The following RBFOX3 variants were observed in gnomAD, a reference collection of about 807,000 sequenced individuals.
RBFOX3 encodes the protein RNA binding protein fox-1 homolog 3.
Under a neutral mutation model 48.7 loss-of-function variants are expected in RBFOX3, and 17 were observed. The ratio of observed to expected loss-of-function variants is 0.35; its 90% CI spans 0.24 to 0.52. The LOEUF (loss-of-function observed/expected upper bound fraction) is 0.52. Ranked by LOEUF, RBFOX3 falls within the 20% of genes least tolerant of loss-of-function variation. RBFOX3 has a pLI of 0.94. For synonymous variants in RBFOX3, 212 were observed against 209.5 expected (o/e 1.01, Z -0.10); for missense variants, 382 against 497.5 (o/e 0.77, Z 2.21).
At chr17:79,201,154 T>G (rs1330443018) in intron 4 of RBFOX3, among the ~76,000 whole-genome samples, 1 of 151,526 alleles carries the variant, frequency 6.6e-6, no homozygotes, top group African/African-American at 2.4e-5. Context: ...CCGATGGAGC[T>G]GTAACCAGAT....
intron 4 of RBFOX3, among the ~76,000 whole-genome samples, chr17:79,178,046 C>T (rs888402340): frequency 6.0e-4 from 91 of 152,360 alleles, no homozygotes; most frequent in African/African-American, 2.1e-3. Flanking sequence ...CCCGCCGATC[C>T]TCCACCGAGC....
intron 2 of RBFOX3, among the ~76,000 whole-genome samples, chr17:79,372,184 C>T (rs1004492087): frequency 3.9e-5 from 6 of 152,084 alleles, no homozygotes; most frequent in Middle Eastern, 3.2e-3. Flanking sequence ...CAGCCTGCCC[C>T]GGACAGCACT....
chr17:79,251,712 C>T (rs143749781), intron 3 of RBFOX3, among the ~76,000 whole-genome samples: 117 of 152,290 alleles, frequency 7.7e-4, no homozygotes, highest in Non-Finnish European at 1.5e-3. Context: ...CCAGACGAGT[C>T]GGCTGCATGG....
At chr17:79,330,717 TGG>T (rs2080148228) in intron 2 of RBFOX3, among the ~76,000 whole-genome samples, 1 of 152,104 alleles carries the variant, frequency 6.6e-6, no homozygotes, top group Non-Finnish European at 1.5e-5. Context: ...AGTCACGTGG[TGG>T]GGCTGTGCCT....
chr17:79,299,992 C>T lies in RBFOX3; in HGVS notation c.-74+7732G>A, dbSNP rs2075055850. On this transcript the variant is annotated intron_variant, in intron 3 of 14. Coordinates refer to ENST00000693108, the MANE Select transcript of RBFOX3 (RefSeq NM_001350451.2). The surrounding 1 kb of genome is among the most constrained non-coding windows in gnomAD (Gnocchi z 4.5). ...TGATCTCGGCTCACTGCAACCTCTG[C>T]CTCCCGGGTTCCAGTAATTCTCCCA... is the stretch of plus-strand genomic sequence containing the variant. Among the ~76,000 whole-genome samples the T allele has an allele frequency of 6.6e-6, 1 of 151,948 alleles. No individual in the cohort carries two copies. The highest frequency in any genetic ancestry group is 2.1e-4 in the South Asian group (1 of 4,816).
intron 8 of RBFOX3, 32 bp from the exon 9 acceptor site, chr17:79,101,676 G>T: frequency 6.5e-7 from 1 of 1,544,878 alleles, no homozygotes; most frequent in South Asian, 1.2e-5. Flanking sequence ...GAGAGGAAGA[G>T]GGAGGATTAG....
At chr17:79,152,844 C>T (rs897185728) in intron 4 of RBFOX3, among the ~76,000 whole-genome samples, 8 of 152,216 alleles carry the variant, frequency 5.3e-5, no homozygotes, top group Admixed American at 1.3e-4. Context: ...ACCAGGAACA[C>T]GGCGCCGGCC....
At chr17:79,620,688 C>T in the RBFOX3 span, among the ~76,000 whole-genome samples, 1 of 150,378 alleles carries the variant, frequency 6.6e-6, no homozygotes, top group African/African-American at 2.5e-5. Context: ...CACATGCACA[C>T]ATGTGCCCAT....
chr17:79,122,226 C>T (rs747562103), intron 4 of RBFOX3, among the ~76,000 whole-genome samples: 15 of 152,176 alleles, frequency 9.9e-5, no homozygotes, highest in Non-Finnish European at 7.3e-5. Context: ...TTGGTCGGGC[C>T]GCCATCATCT....
chr17:79,618,592 A>G, the RBFOX3 span, among the ~76,000 whole-genome samples: 4 of 152,186 alleles, frequency 2.6e-5, no homozygotes, highest in Non-Finnish European at 5.9e-5. Flanking sequence ...AGTCATGAAC[A>G]GAAAGGAGAG....
At chr17:79,247,345 C>T (rs28675187) in intron 3 of RBFOX3, among the ~76,000 whole-genome samples, 65,076 of 142,490 alleles carry the variant, frequency 0.46, 14,989 homozygotes, top group Middle Eastern at 0.6. Context: ...CAGAGTCTCA[C>T]TCTGTCACCC....
rs894094531 is a variant in RBFOX3 at position 79,254,744 on chromosome 17, C to G, written c.-73-18939G>C. ...CCGCCCTGCCTGAGTGGGTGCCTTA[C>G]CTGGACAGTATCCAGGTGGACAGGT... On this transcript the variant is annotated intron_variant, in intron 3 of 14. Transcript: ENST00000693108. The surrounding 1 kb of genome is among the most constrained non-coding windows in gnomAD (Gnocchi z 4.8). Among the ~76,000 whole-genome samples the G allele has an allele frequency of 1.3e-5, 2 of 152,186 alleles. No individual in the cohort carries two copies. The highest frequency in any genetic ancestry group is 4.8e-5 in the African/African-American group (2 of 41,436).
intron 3 of RBFOX3, among the ~76,000 whole-genome samples, chr17:79,271,355 C>T (rs1017706090): frequency 6.6e-6 from 1 of 152,166 alleles, no homozygotes; most frequent in African/African-American, 2.4e-5. Flanking sequence ...GGATTACAGG[C>T]GTGAGCCACC....
intron 1 of RBFOX3, among the ~76,000 whole-genome samples, chr17:79,582,940 C>G (rs2093125726): frequency 2.6e-5 from 4 of 152,150 alleles, no homozygotes; most frequent in African/African-American, 9.7e-5. Flanking sequence ...AGCCATGGAC[C>G]ACTGCGACCC....
chr17:79,235,071 G>T (rs933505363), intron 4 of RBFOX3: 1 of 152,106 alleles, frequency 6.6e-6, no homozygotes, highest in African/African-American at 2.4e-5. Flanking sequence ...TTCACCTTAT[G>T]ATGGGTTTAT....
At chr17:79,439,601 ATG>A (rs1197165115) in intron 2 of RBFOX3, among the ~76,000 whole-genome samples, 3 of 152,220 alleles carry the variant, frequency 2.0e-5, no homozygotes, top group African/African-American at 7.2e-5. Flanking sequence ...GGCTCACAAG[ATG>A]TGTATGTCAT....
intron 2 of RBFOX3, among the ~76,000 whole-genome samples, chr17:79,327,534 T>A (rs1381921122): frequency 6.6e-6 from 1 of 152,270 alleles, no homozygotes; most frequent in African/African-American, 2.4e-5. Flanking sequence ...AGGCTGCACC[T>A]GAGAGCAGCA....
chr17:79,442,394 AG>A (rs2071315318), intron 2 of RBFOX3, among the ~76,000 whole-genome samples: 2 of 140,574 alleles, frequency 1.4e-5, no homozygotes, highest in African/African-American at 5.4e-5. Flanking sequence ...AGAGAGAGAG[AG>A]AGAGAGAAAG....
intron 4 of RBFOX3, among the ~76,000 whole-genome samples, chr17:79,202,328 G>A (rs927394523): frequency 6.6e-6 from 1 of 152,046 alleles, no homozygotes; most frequent in Non-Finnish European, 1.5e-5. Flanking sequence ...GGGCTGTGTC[G>A]GGTACCACGC....
Sources: allele counts gnomAD v4.1 joint callset (sites outside exome capture counted in the v4.1 genomes callset), GRCh38; gene constraint gnomAD v4.1.1; non-coding constraint Gnocchi (gnomAD v3.1); transcripts MANE v1.5; gene names NCBI Gene and HGNC (gene_info 2026-07-23, HGNC 2026-07-21).